The following PIGL variants were observed in gnomAD, a reference collection of about 807,000 sequenced individuals.
PIGL encodes the protein N-acetylglucosaminyl-phosphatidylinositol de-N-acetylase.
PIGL carries 22 observed loss-of-function variants against 31.1 expected under a neutral mutation model. The ratio of observed to expected loss-of-function variants is 0.71; its 90% CI spans 0.51 to 1.01. The LOEUF (loss-of-function observed/expected upper bound fraction) is 1.01, where lower values mean the gene tolerates loss of function less well. PIGL is among the 50% of genes least tolerant of loss of function. The pLI, the probability that PIGL is intolerant of heterozygous loss-of-function variation, is 0.00. For synonymous variants in PIGL, 131 were observed against 117.4 expected (o/e 1.12, Z -0.75); for missense variants, 302 against 315.9 (o/e 0.96, Z 0.33).
At chr17:16,284,607 C>A (rs1600822044) in intron 2 of PIGL, among the ~76,000 whole-genome samples, 1 of 152,166 alleles carries the variant, frequency 6.6e-6, no homozygotes, top group Non-Finnish European at 1.5e-5. Context: ...CTGACACCAC[C>A]CAGATCAATT....
intron 2 of PIGL, among the ~76,000 whole-genome samples, chr17:16,290,642 C>G (rs1480782691): frequency 6.6e-6 from 1 of 152,180 alleles, no homozygotes; most frequent in Non-Finnish European, 1.5e-5. Context: ...CCTTGGCCTC[C>G]CAAAGTCCTA....
intron 2 of PIGL, among the ~76,000 whole-genome samples, chr17:16,262,369 C>T (rs2092822765): frequency 6.6e-6 from 1 of 152,152 alleles, no homozygotes; most frequent in South Asian, 2.1e-4. Context: ...CAAATCCAAA[C>T]CACAGTGAGA....
intron 2 of PIGL, among the ~76,000 whole-genome samples, chr17:16,257,956 G>A (rs1165802896): frequency 4.0e-5 from 6 of 150,046 alleles, no homozygotes; most frequent in African/African-American, 1.5e-4. Context: ...CCAGCTACTT[G>A]GGAGGTTGAG....
chr17:16,267,225 A>T (rs529078169), intron 2 of PIGL, among the ~76,000 whole-genome samples: 1 of 152,338 alleles, frequency 6.6e-6, no homozygotes, highest in East Asian at 1.9e-4. Context: ...GTTATTAAGA[A>T]AATCATAAGG....
chr17:16,218,786 C>T (rs1424095343), intron 1 of PIGL, among the ~76,000 whole-genome samples: 1 of 148,296 alleles, frequency 6.7e-6, no homozygotes, highest in Non-Finnish European at 1.5e-5. Flanking sequence ...TCAAGTGATT[C>T]TCCTGCGTCA....
intron 1 of PIGL, among the ~76,000 whole-genome samples, chr17:16,226,182 A>G (rs1446980162): frequency 6.6e-6 from 1 of 151,936 alleles, no homozygotes; most frequent in Non-Finnish European, 1.5e-5. Flanking sequence ...AGAAAAACCA[A>G]TCACCTTTTT....
intron 3 of PIGL, among the ~76,000 whole-genome samples, chr17:16,309,167 G>T (rs1198002102): frequency 6.6e-6 from 1 of 151,980 alleles, no homozygotes; most frequent in African/African-American, 2.4e-5. Context: ...TGTAAAAGTA[G>T]TGTCTTCCCA....
chr17:16,291,277 C>T (rs1043028399), intron 2 of PIGL, among the ~76,000 whole-genome samples: 3 of 150,972 alleles, frequency 2.0e-5, no homozygotes, highest in Non-Finnish European at 4.4e-5. Flanking sequence ...GAGGCTGAGG[C>T]GGGCGGATCA....
At chr17:16,300,115 T>A in intron 3 of PIGL, 137 bp downstream of exon 3, 1 of 653,652 alleles carries the variant, frequency 1.5e-6, no homozygotes, top group Non-Finnish European at 2.7e-6. Flanking sequence ...GGCCAGAACT[T>A]CCAATGCTCA....
intron 6 of PIGL, 77 bp from the exon 7 acceptor site, chr17:16,325,723 T>A: frequency 9.6e-7 from 1 of 1,038,248 alleles, no homozygotes; most frequent in Non-Finnish European, 1.5e-6. Flanking sequence ...GGATTTAAGG[T>A]GCGGAGGCCA....
At chr17:16,223,892 A>C (rs178791) in intron 1 of PIGL, among the ~76,000 whole-genome samples, 67,849 of 151,660 alleles carry the variant, frequency 0.45, 16,250 homozygotes, top group Middle Eastern at 0.57. Flanking sequence ...TAGTCATCTC[A>C]ACAACCCTGT....
At chr17:16,322,081 C>T (rs144965327) in intron 6 of PIGL, among the ~76,000 whole-genome samples, 1 of 151,836 alleles carries the variant, frequency 6.6e-6, no homozygotes. Context: ...TCGCACCCAG[C>T]CTATTTATTT....
intron 2 of PIGL, among the ~76,000 whole-genome samples, chr17:16,260,938 T>G (rs1220988208): frequency 6.6e-6 from 1 of 151,848 alleles, no homozygotes; most frequent in Non-Finnish European, 1.5e-5. Context: ...ACCAACATGG[T>G]GAAACCCCCG....
chr17:16,241,500 G>T (rs1454196153), intron 2 of PIGL, among the ~76,000 whole-genome samples: 2 of 151,784 alleles, frequency 1.3e-5, no homozygotes, highest in African/African-American at 2.4e-5. Context: ...CTGGGAGGAG[G>T]ACGGTGCAGT....
At chr17:16,252,185 T>C (rs1000311268) in intron 2 of PIGL, among the ~76,000 whole-genome samples, 1 of 151,790 alleles carries the variant, frequency 6.6e-6, no homozygotes, top group Non-Finnish European at 1.5e-5. Context: ...GCGATGCTCC[T>C]GCCTCAGCCT....
chr17:16,225,907 G>A (rs1345018812), intron 1 of PIGL, among the ~76,000 whole-genome samples: 4 of 151,760 alleles, frequency 2.6e-5, no homozygotes, highest in African/African-American at 9.7e-5. Context: ...TCCAGCCTGT[G>A]TGCTGGCACA....
intron 4 of PIGL, among the ~76,000 whole-genome samples, chr17:16,314,271 TCCCAGCTA>T (rs1382142403): frequency 1.3e-5 from 2 of 152,176 alleles, no homozygotes; most frequent in Non-Finnish European, 2.9e-5. Flanking sequence ...GGCAGGCCTG[TCCCAGCTA>T]CTGAGGAAGG....
At chr17:16,246,623 A>G (rs972648984) in intron 2 of PIGL, among the ~76,000 whole-genome samples, 1 of 151,226 alleles carries the variant, frequency 6.6e-6, no homozygotes, top group Non-Finnish European at 1.5e-5. Context: ...CTTAAACAAT[A>G]GAAATTTATT....
At chr17:16,259,822 G>T (rs2092811939) in intron 2 of PIGL, among the ~76,000 whole-genome samples, 1 of 152,180 alleles carries the variant, frequency 6.6e-6, no homozygotes, top group African/African-American at 2.4e-5. Flanking sequence ...TCCCTTCTGA[G>T]TTGGCAGGGC....
Sources: gnomAD v4.1 joint callset for allele counts (sites outside exome capture counted in the v4.1 genomes callset) on GRCh38, gnomAD v4.1.1 for gene constraint, MANE v1.5 for transcripts, NCBI Gene and HGNC (gene_info 2026-07-23, HGNC 2026-07-21) for gene names.